COQ10B: variants seen among roughly 807,000 people sequenced by gnomAD.
COQ10B encodes coenzyme Q-binding protein COQ10 homolog B, mitochondrial.
A neutral mutation model predicts 27.6 loss-of-function variants in COQ10B; 12 were observed. The observed-to-expected ratio is 0.43, with a 90% confidence interval of 0.28 to 0.70. The LOEUF (loss-of-function observed/expected upper bound fraction) is 0.70. Among genes scored for constraint, COQ10B ranks in the 30% least tolerant of loss-of-function variants. The pLI is 0.17. For synonymous variants in COQ10B, 115 were observed against 103.0 expected, an observed-to-expected ratio of 1.12 and a Z score of -0.71; for missense variants, 278 against 288.7, an observed-to-expected ratio of 0.96 and a Z score of 0.27.
At chr2:197,456,295 T>G (rs2085697393) in intron 1 of COQ10B, among the ~76,000 whole-genome samples, 1 of 146,666 alleles carries the variant, frequency 6.8e-6, no homozygotes, top group African/African-American at 2.5e-5. Flanking sequence ...GAAACCCCCA[T>G]CTCTACTAAA....
Position 197,475,126 on chromosome 2 carries a change from T to C in COQ10B, c.*1202T>C, listed in dbSNP as rs1041030804. On this transcript the variant is annotated 3_prime_UTR_variant, in exon 5 of 5. Transcript: ENST00000263960. ...TAATAAAGTTAATTTGTTTATTTTT[T>C]GTACAGTTAGTTTGGTTATTGAAAT... 6.6e-6 allele frequency: 1 copy of C among 152,370 alleles called. No homozygotes were observed. The highest frequency in any genetic ancestry group is 1.5e-5 in the Non-Finnish European group (1 of 68,042). 9.4% of individuals were successfully genotyped at this position (152,370 alleles called of 1,614,324 possible). A position where few individuals can be genotyped will look rare whatever the true frequency, so the allele number is the denominator to read the frequency against.
chr2:197,458,070 T>C (rs1228346355), intron 1 of COQ10B, among the ~76,000 whole-genome samples: 1 of 151,986 alleles, frequency 6.6e-6, no homozygotes. Flanking sequence ...TTTGTCTCTC[T>C]CTAATTGGGG....
chr2:197,458,358 C>A, intron 1 of COQ10B, among the ~76,000 whole-genome samples: 1 of 152,088 alleles, frequency 6.6e-6, no homozygotes, highest in Admixed American at 6.6e-5. Context: ...ATGGCTAACT[C>A]CTTGTCCACT....
intron 4 of COQ10B, 61 bp downstream of exon 4, chr2:197,470,232 C>A (rs2106057603): frequency 1.1e-6 from 1 of 924,244 alleles, no homozygotes; most frequent in East Asian, 2.5e-5. Flanking sequence ...AAAAAGTAAT[C>A]ATTTTTTAGA....
chr2:197,460,003 T>C lies in COQ10B; in HGVS notation c.176T>C (p.Ile59Thr), dbSNP rs1370692159. ...PLHTSILPKE[I>T]CARTFFKITA... ...CATACCTCAATTTTGCCTAAGGAGA[T>C]ATGTGCACGAACTTTCTTCAAAATC... Residue 59 changes from isoleucine to threonine, a missense_variant, in exon 2 of 5, where the codon ATA (isoleucine) becomes ACA (threonine). Transcript: ENST00000263960. 2 of 1,610,984 alleles carry C rather than the reference T, an allele frequency of 1.2e-6. No homozygotes were observed. Among genetic ancestry groups the C allele is most frequent in the South Asian group, 2.2e-5 (2 of 90,954 alleles).
At chr2:197,458,561 T>C (rs2085723978) in intron 1 of COQ10B, among the ~76,000 whole-genome samples, 1 of 152,182 alleles carries the variant, frequency 6.6e-6, no homozygotes, top group Non-Finnish European at 1.5e-5. Flanking sequence ...CAGTCTTAAC[T>C]TAGAATAGGA....
chr2:197,464,022 C>CACACAT (rs1553574119), intron 3 of COQ10B, among the ~76,000 whole-genome samples: 54 of 99,680 alleles, frequency 5.4e-4, no homozygotes, highest in African/African-American at 6.7e-4. Context: ...CACACACACA[C>CACACAT]ACACATACAT....
intron 4 of COQ10B, among the ~76,000 whole-genome samples, chr2:197,473,441 T>TATATATATAC (rs1417755879): frequency 1.3e-4 from 13 of 98,216 alleles, no homozygotes; most frequent in South Asian, 1.3e-3. Context: ...TATATATATA[T>TATATATATAC]ACACATATAT....
intron 4 of COQ10B, 107 bp from the exon 5 acceptor site, chr2:197,473,650 C>T (rs1186052845): frequency 8.2e-6 from 6 of 732,478 alleles, no homozygotes; most frequent in African/African-American, 5.6e-5. Flanking sequence ...TGTGCCACTG[C>T]ACTCCAACCT....
rs970822952 is a variant in COQ10B, at chr2:197,453,632, G to T, written c.72G>T (p.Ala24=). ...GATGCCGTCCGAAGTCGGCGACAGC[G>T]GCCGGGGCGCAGGCGCCCGTGCGGA... ...VSGCRPKSAT[A]AGAQAPVRNG... is the part of the protein sequence containing the mutation. The change falls in exon 1 of 5, where the codon GCG becomes GCT. Residue 24 remains alanine, a synonymous_variant. Transcript: ENST00000263960. The T allele has an allele frequency of 1.2e-6, 2 of 1,613,906 alleles. No homozygotes were observed. The highest frequency in any genetic ancestry group is 2.2e-5 in the East Asian group (1 of 44,890).
At chr2:197,462,998 G>A (rs933529268) in intron 3 of COQ10B, among the ~76,000 whole-genome samples, 15 of 152,004 alleles carry the variant, frequency 9.9e-5, no homozygotes, top group African/African-American at 4.8e-5. Context: ...GATCACTTGC[G>A]CCACCCAAGT....
intron 4 of COQ10B, 24 bp from the exon 5 acceptor site, chr2:197,473,733 A>G (rs752571165): frequency 2.1e-6 from 3 of 1,436,170 alleles, no homozygotes; most frequent in South Asian, 1.5e-5. Flanking sequence ...TTTTTCTAAA[A>G]TAATTTTCAA....
At chr2:197,463,099 A>G (rs2085779267) in intron 3 of COQ10B, among the ~76,000 whole-genome samples, 1 of 152,200 alleles carries the variant, frequency 6.6e-6, no homozygotes. Context: ...TTTACTAAAT[A>G]TATAGTTTTT....
intron 4 of COQ10B, among the ~76,000 whole-genome samples, chr2:197,471,295 A>G (rs1037703506): frequency 1.3e-5 from 2 of 151,896 alleles, no homozygotes; most frequent in African/African-American, 4.8e-5. Flanking sequence ...GGAATGCACC[A>G]CCACACAGGC....
chr2:197,463,798 G>A (rs1033794093), intron 3 of COQ10B, among the ~76,000 whole-genome samples: 5 of 149,282 alleles, frequency 3.3e-5, no homozygotes, highest in Non-Finnish European at 7.4e-5. Flanking sequence ...AGCCAATATG[G>A]TGGCAAGTAC....
chr2:197,462,423 T>C (rs1194467695), intron 2 of COQ10B, 116 bp from the exon 3 acceptor site: 1 of 594,404 alleles, frequency 1.7e-6, no homozygotes, highest in African/African-American at 2.0e-5. Flanking sequence ...TTAATATATG[T>C]GCTGAATGAT....
intron 4 of COQ10B, 35 bp from the exon 5 acceptor site, chr2:197,473,722 T>A: frequency 1.5e-6 from 2 of 1,354,050 alleles, no homozygotes; most frequent in Non-Finnish European, 9.8e-7. Context: ...CAAAAAATAA[T>A]TTTTTCTAAA....
chr2:197,461,237 G>A (rs527974132), intron 2 of COQ10B, among the ~76,000 whole-genome samples: 8 of 152,046 alleles, frequency 5.3e-5, no homozygotes, highest in East Asian at 1.9e-4. Flanking sequence ...TGGGTGTGCC[G>A]TCTACTGTAG....
Position 197,459,954 on chromosome 2 carries a change from C to T in COQ10B, c.127C>T (p.Leu43=), listed in dbSNP as rs200588862. The T allele has an allele frequency of 4.4e-6, 7 of 1,607,856 alleles. No homozygotes were observed. Among genetic ancestry groups the T allele is most frequent in the East Asian group, 2.2e-5 (1 of 44,556 alleles). ...NGRYLASCGI[L]MSRTLPLHTS... ...CAGATATTTAGCTTCCTGTGGTATACTGATGAGCAGAACTCTTCCACTACA... is the reference window on the plus strand; with the variant it reads ...CAGATATTTAGCTTCCTGTGGTATATTGATGAGCAGAACTCTTCCACTACA... The change falls in exon 2 of 5, where the codon CTG becomes TTG. Residue 43 remains leucine, a synonymous_variant. Coordinates refer to ENST00000263960, the MANE Select transcript of COQ10B (RefSeq NM_025147.5).
Sources: gnomAD v4.1 joint callset for allele counts (sites outside exome capture counted in the v4.1 genomes callset) on GRCh38, gnomAD v4.1.1 for gene constraint, MANE v1.5 for transcripts, NCBI Gene and HGNC (gene_info 2026-07-23, HGNC 2026-07-21) for gene names.